The following LMBR1 variants were observed in gnomAD, a reference collection of about 807,000 sequenced individuals.
LMBR1 encodes limb development membrane protein 1.
A neutral mutation model predicts 73.9 loss-of-function variants in LMBR1; 52 were observed. That is an observed-to-expected ratio of 0.70 (90% confidence interval 0.56 to 0.89). LMBR1 has a LOEUF of 0.89. LMBR1 is among the 40% of genes least tolerant of loss of function. LMBR1 has a pLI of 0.00. For synonymous variants in LMBR1, 215 were observed against 209.4 expected (o/e 1.03, Z -0.23); for missense variants, 539 against 579.8 (o/e 0.93, Z 0.72).
chr7:156,669,018 A>C lies in LMBR1; in HGVS notation n.1136T>G, dbSNP rs1801847433. On this transcript the variant is annotated non_coding_transcript_exon_variant, in exon 5 of 5. Coordinates refer to the LMBR1 transcript ENST00000430825. The surrounding 1 kb of genome is among the most constrained non-coding windows in gnomAD (Gnocchi z 4.2). Reference sequence around the variant, plus strand: ...GTATGAATTGTTAATAAGTGTAAAAATGATATTTGGTTACATAGGGTAAGT... The same window carrying C: ...GTATGAATTGTTAATAAGTGTAAAACTGATATTTGGTTACATAGGGTAAGT... The C allele has an allele frequency of 6.6e-6, 1 of 152,258 alleles. No individual in the cohort carries two copies. Among genetic ancestry groups the C allele is most frequent in the Non-Finnish European group, 1.5e-5 (1 of 68,046 alleles). 9.4% of individuals were successfully genotyped at this position (152,258 alleles called of 1,614,324 possible).
At chr7:156,676,439 C>G (rs2302147), downstream of LMBR1, 583,169 of 1,613,698 alleles carry the variant, frequency 0.36, 108,011 homozygotes, top group African/African-American at 0.5. Context: ...GGGAGACCCA[C>G]GAGTGCTCCA....
At chr7:156,850,759 T>C (rs1363565347) in intron 1 of LMBR1, among the ~76,000 whole-genome samples, 1 of 152,218 alleles carries the variant, frequency 6.6e-6, no homozygotes, top group Non-Finnish European at 1.5e-5. Context: ...GATGTTCACT[T>C]TTCTATTGTT....
At chr7:156,806,860 C>T (rs929637128) in intron 4 of LMBR1, among the ~76,000 whole-genome samples, 1 of 152,080 alleles carries the variant, frequency 6.6e-6, no homozygotes, top group Non-Finnish European at 1.5e-5. Flanking sequence ...GATCCACCCG[C>T]CTCAGCCTCC....
rs199661921 is a variant in LMBR1, at chr7:156,729,434, T to C, written c.839-714A>G. On this transcript the variant is annotated intron_variant, in intron 10 of 16. Transcript: ENST00000353442. ...CTACATATTGATATATATATATATA[T>C]CTGAATGAATAAAGTTATATGAATA... Among the ~76,000 whole-genome samples, 17 of 151,608 alleles carry C rather than the reference T, an allele frequency of 1.1e-4. No individual in the cohort carries two copies. In the East Asian group the frequency reaches 3.1e-3, roughly 28 times the overall value.
chr7:156,684,471 C>T (rs1167315545), intron 16 of LMBR1, among the ~76,000 whole-genome samples: 1 of 152,194 alleles, frequency 6.6e-6, no homozygotes, highest in Non-Finnish European at 1.5e-5. Context: ...GAAGTCACAA[C>T]ATCCCCGAGG....
chr7:156,759,157 A>C (rs1822495984), intron 8 of LMBR1, among the ~76,000 whole-genome samples: 1 of 152,282 alleles, frequency 6.6e-6, no homozygotes. Flanking sequence ...AAAAGTTCAA[A>C]GGAAGAAAAA....
intron 16 of LMBR1, 81 bp downstream of exon 16, chr7:156,687,949 T>A: frequency 7.7e-7 from 1 of 1,295,738 alleles, no homozygotes. Flanking sequence ...GGAAACTAAA[T>A]AGCTGAAGAT....
chr7:156,821,742 G>A (rs1834830665), intron 4 of LMBR1, among the ~76,000 whole-genome samples: 1 of 151,958 alleles, frequency 6.6e-6, no homozygotes, highest in Admixed American at 6.6e-5. Context: ...AAGTGGATAG[G>A]CTGACTGGCT....
intron 4 of LMBR1, among the ~76,000 whole-genome samples, chr7:156,817,110 A>G (rs1834030209): frequency 1.3e-5 from 2 of 152,168 alleles, no homozygotes; most frequent in Non-Finnish European, 2.9e-5. Flanking sequence ...AAAATAAAAC[A>G]AAACAAGACT....
chr7:156,699,465 T>A (rs1010285438), intron 15 of LMBR1, among the ~76,000 whole-genome samples: 4 of 151,538 alleles, frequency 2.6e-5, no homozygotes, highest in Admixed American at 2.6e-4. Flanking sequence ...GAAGAAAACC[T>A]AGGCAATACC....
At chr7:156,744,069 T>C (rs1306990947) in intron 9 of LMBR1, among the ~76,000 whole-genome samples, 1 of 152,128 alleles carries the variant, frequency 6.6e-6, no homozygotes, top group African/African-American at 2.4e-5. Flanking sequence ...TTTGGGAATA[T>C]ATGAATTTTT....
At chr7:156,759,690 G>A (rs11770074) in intron 8 of LMBR1, among the ~76,000 whole-genome samples, 6,113 of 152,210 alleles carry the variant, frequency 0.04, 174 homozygotes, top group Non-Finnish European at 0.049. Flanking sequence ...CAAAATGCTC[G>A]TTCCCTGGTG....
Position 156,806,598 on chromosome 7 carries a change from C to CTTTTTT in LMBR1, c.320-10112_320-10107dup, listed in dbSNP as rs71189962. Among the ~76,000 whole-genome samples, 62 of 44,676 alleles carry CTTTTTT rather than the reference C, an allele frequency of 1.4e-3. 4 individuals carry two copies. Among genetic ancestry groups the CTTTTTT allele is most frequent in the African/African-American group, 5.3e-3 (52 of 9,874 alleles). 29.3% of individuals were successfully genotyped at this position (44,676 alleles called of 152,430 possible). A position where few individuals can be genotyped will look rare whatever the true frequency, so the allele number is the denominator to read the frequency against. ...GTTATCAGTAGGTTTTTTGTAGATGCTTTTTTTTTTTTTTTTTTTTTTTTT... is the reference window on the plus strand; with the variant it reads ...GTTATCAGTAGGTTTTTTGTAGATGCTTTTTTTTTTTTTTTTTTTTTTTTTTTTTTT... On this transcript the variant is annotated intron_variant, in intron 4 of 16. Coordinates refer to ENST00000353442, the MANE Select transcript of LMBR1 (RefSeq NM_022458.4).
intron 9 of LMBR1, among the ~76,000 whole-genome samples, chr7:156,749,600 A>C (rs1260628468): frequency 6.6e-6 from 1 of 152,190 alleles, no homozygotes; most frequent in Non-Finnish European, 1.5e-5. Flanking sequence ...TAGGATAAAA[A>C]GGTATTCCAA....
chr7:156,829,320 C>G (rs1836252912), intron 3 of LMBR1, among the ~76,000 whole-genome samples: 1 of 152,192 alleles, frequency 6.6e-6, no homozygotes, highest in Non-Finnish European at 1.5e-5. Flanking sequence ...AAATATCATG[C>G]TGAAATGTGA....
chr7:156,711,697 C>A (rs187874305), intron 15 of LMBR1, among the ~76,000 whole-genome samples: 1 of 152,194 alleles, frequency 6.6e-6, no homozygotes, highest in East Asian at 1.9e-4. Flanking sequence ...AATAAAGCCA[C>A]GTATTTACAG....
In LMBR1 at chr7:156,683,708, G is replaced by GA. The variant is rs1805434056; in HGVS notation, c.*369dup. On this transcript the variant is annotated 3_prime_UTR_variant, in exon 17 of 17. Transcript: ENST00000353442. ...ACATTCTGAATAAAGTACATAATGG[G>GA]ATTTAAGTAAATCTTTAGAAGTCCC... The GA allele has an allele frequency of 5.8e-6, 1 of 173,248 alleles. No individual in the cohort carries two copies. The highest frequency in any genetic ancestry group is 1.2e-5 in the Non-Finnish European group (1 of 82,420). The allele number at this position is 173,248 out of a possible 1,614,324, so 10.7% of individuals were successfully genotyped here. A position where few individuals can be genotyped will look rare whatever the true frequency, so the allele number is the denominator to read the frequency against.
At chr7:156,676,752 T>A (rs1488597255), downstream of LMBR1, 1 of 857,940 alleles carries the variant, frequency 1.2e-6, no homozygotes, top group East Asian at 2.4e-5. Flanking sequence ...TACAATGTAA[T>A]CTGTTTCCCA....
chr7:156,675,719 C>A (rs1482159530), downstream of LMBR1: 3 of 1,607,164 alleles, frequency 1.9e-6, no homozygotes, highest in Admixed American at 5.0e-5. Flanking sequence ...GCCACCGCAT[C>A]CTGTGCTCAT....
Sources: allele counts gnomAD v4.1 joint callset (sites outside exome capture counted in the v4.1 genomes callset), GRCh38; gene constraint gnomAD v4.1.1; non-coding constraint Gnocchi (gnomAD v3.1); transcripts MANE v1.5; gene names NCBI Gene and HGNC (gene_info 2026-07-23, HGNC 2026-07-21).